The following PSMB7 variants were observed in gnomAD, a reference collection of about 807,000 sequenced individuals.
PSMB7 encodes proteasome 20S subunit beta 7, also known as proteasome subunit beta type-7.
PSMB7 carries 5 observed loss-of-function variants against 28.1 expected under a neutral mutation model. The observed-to-expected ratio is 0.18, with a 90% CI of 0.09 to 0.37. The LOEUF is 0.37. Among genes scored for constraint, PSMB7 ranks in the 10% least tolerant of loss-of-function variants. The probability of loss-of-function intolerance (pLI) is 1.00; values close to 1 mark genes in which losing one functional copy is unlikely to be tolerated. For missense variants in PSMB7, 275 were observed against 346.2 expected (o/e 0.79, Z 1.63); for synonymous variants, 122 against 123.7 (o/e 0.99, Z 0.09).
rs562436652 is a variant in PSMB7, at chr9:124,361,140, G to A, written c.571-4225C>T. Among the ~76,000 whole-genome samples, 19 of 152,240 alleles carry A rather than the reference G, an allele frequency of 1.2e-4. No homozygotes were observed. In the South Asian group the frequency reaches 3.9e-3, roughly 32 times the overall value. On this transcript the variant is annotated intron_variant, in intron 6 of 7. Transcript: ENST00000259457. ...ATAAAAGGAACACTTCTTGCTTTAT[G>A]GCTACAAAGACCAAACTAACTGGGA...
At chr9:124,393,804 T>A (rs10760356) in intron 5 of PSMB7, among the ~76,000 whole-genome samples, 53,070 of 152,162 alleles carry the variant, frequency 0.35, 9,928 homozygotes, top group Non-Finnish European at 0.43. Context: ...CATTAATGCA[T>A]TTTAATGAAA....
chr9:124,397,980 C>T (rs1419100008), intron 5 of PSMB7, among the ~76,000 whole-genome samples: 1 of 152,098 alleles, frequency 6.6e-6, no homozygotes, highest in Non-Finnish European at 1.5e-5. Flanking sequence ...CCAGCCTGGC[C>T]AACACGGTGA....
At chr9:124,370,491 C>T (rs554298167) in intron 6 of PSMB7, among the ~76,000 whole-genome samples, 5 of 113,602 alleles carry the variant, frequency 4.4e-5, no homozygotes, top group African/African-American at 1.0e-4. Flanking sequence ...TCAGATCTTC[C>T]GATATATAAA....
chr9:124,362,053 A>G (rs978550488), intron 6 of PSMB7, among the ~76,000 whole-genome samples: 3 of 152,204 alleles, frequency 2.0e-5, no homozygotes, highest in Admixed American at 2.0e-4. Context: ...GCATCTCAAC[A>G]CTGCTTTACT....
In PSMB7 at chr9:124,384,773, T is replaced by TA. The variant is rs1830702995; in HGVS notation, c.512-118_512-117insT. On this transcript the variant is annotated intron_variant, in intron 5 of 7. Transcript: ENST00000259457. ...TGCCCAGTGTCTCATTCAAGTACAG[T>TA]GTAAATATTAATTCTACAGGGCCAC... is the stretch of plus-strand genomic sequence containing the variant. 4 of 844,342 alleles carry TA rather than the reference T, an allele frequency of 4.7e-6. No homozygotes were observed. The African/African-American group carries it at 6.8e-5, about 14-fold the overall frequency. 52.3% of individuals were successfully genotyped at this position (844,342 alleles called of 1,614,324 possible). A position where few individuals can be genotyped will look rare whatever the true frequency, so the allele number is the denominator to read the frequency against.
intron 5 of PSMB7, among the ~76,000 whole-genome samples, chr9:124,393,616 T>C (rs776300517): frequency 9.9e-5 from 15 of 152,250 alleles, no homozygotes; most frequent in Non-Finnish European, 2.2e-4. Context: ...AAATGTAATA[T>C]AGTCAAAGAG....
intron 6 of PSMB7, among the ~76,000 whole-genome samples, chr9:124,375,142 CA>C (rs1192502294): frequency 2.6e-5 from 4 of 151,912 alleles, no homozygotes; most frequent in Admixed American, 6.6e-5. Context: ...TCACAATAAA[CA>C]AAAATACCAG....
At chr9:124,398,885 T>C (rs533856351) in intron 5 of PSMB7, among the ~76,000 whole-genome samples, 4 of 151,708 alleles carry the variant, frequency 2.6e-5, no homozygotes, top group Middle Eastern at 6.8e-3. Flanking sequence ...GTCAGTAAAA[T>C]AGCAATAATA....
chr9:124,413,760 C>G, intron 3 of PSMB7, 148 bp downstream of exon 3: 1 of 584,438 alleles, frequency 1.7e-6, no homozygotes, highest in East Asian at 2.9e-5. Flanking sequence ...AAGTTACTGG[C>G]TTAGGTAACA....
At chr9:124,398,053 G>GT (rs1477230835) in intron 5 of PSMB7, among the ~76,000 whole-genome samples, 1 of 152,068 alleles carries the variant, frequency 6.6e-6, no homozygotes, top group Non-Finnish European at 1.5e-5. Flanking sequence ...GCACACGCCT[G>GT]TAATCCCAGC....
At chr9:124,361,011 G>C (rs1830461361) in intron 6 of PSMB7, among the ~76,000 whole-genome samples, 1 of 152,180 alleles carries the variant, frequency 6.6e-6, no homozygotes, top group Non-Finnish European at 1.5e-5. Context: ...GCCAGGACAA[G>C]GAGGGCCAAA....
At chr9:124,364,061 G>A (rs950506060) in intron 6 of PSMB7, among the ~76,000 whole-genome samples, 2 of 152,202 alleles carry the variant, frequency 1.3e-5, no homozygotes, top group Admixed American at 6.5e-5. Context: ...CAAACAGGAC[G>A]GTTAGCACGT....
chr9:124,355,996 C>T (rs148216702), intron 7 of PSMB7, among the ~76,000 whole-genome samples: 1 of 152,252 alleles, frequency 6.6e-6, no homozygotes, highest in African/African-American at 2.4e-5. Context: ...TGAGTGGGAG[C>T]CGTAGTTTAT....
chr9:124,390,892 G>C (rs1564682286), intron 5 of PSMB7, among the ~76,000 whole-genome samples: 1 of 152,148 alleles, frequency 6.6e-6, no homozygotes, highest in African/African-American at 2.4e-5. Context: ...GGGCCTAAAG[G>C]TCAATCCATG....
intron 6 of PSMB7, among the ~76,000 whole-genome samples, chr9:124,363,618 G>A (rs1212638052): frequency 6.6e-6 from 1 of 152,194 alleles, no homozygotes; most frequent in African/African-American, 2.4e-5. Context: ...GCTGCAGCTG[G>A]TGCTGGGCAC....
intron 6 of PSMB7, among the ~76,000 whole-genome samples, chr9:124,357,634 C>A (rs1439347949): frequency 1.3e-5 from 2 of 152,220 alleles, no homozygotes; most frequent in Non-Finnish European, 2.9e-5. Context: ...ACACAAATCC[C>A]CATCCCTAAT....
chr9:124,356,655 T>G lies in PSMB7; in HGVS notation c.722+109A>C. On this transcript the variant is annotated intron_variant, in intron 7 of 7. Transcript: ENST00000259457. This position sits in a 1 kb window ranked among gnomAD's most constrained non-coding sequence, Gnocchi z 4.4. ...GGGAGGTTGATTTGGGAACACTGGATGTACTTAATGTGGAAAGAACCAGGA... is the reference window on the plus strand; with the variant it reads ...GGGAGGTTGATTTGGGAACACTGGAGGTACTTAATGTGGAAAGAACCAGGA... 1.6e-6 allele frequency: 2 copies of G among 1,285,854 alleles called. No homozygotes were observed. Among genetic ancestry groups the G allele is most frequent in the East Asian group, 4.7e-5 (2 of 42,378 alleles). 79.7% of individuals were successfully genotyped at this position (1,285,854 alleles called of 1,614,324 possible). A position where few individuals can be genotyped will look rare whatever the true frequency, so the allele number is the denominator to read the frequency against.
At chr9:124,414,736 A>T in intron 2 of PSMB7, 106 bp downstream of exon 2, 1 of 866,350 alleles carries the variant, frequency 1.2e-6, no homozygotes. Context: ...GATGTATTCT[A>T]TAGCATTTGC....
At chr9:124,378,744 T>C (rs1830637142) in intron 6 of PSMB7, among the ~76,000 whole-genome samples, 1 of 152,250 alleles carries the variant, frequency 6.6e-6, no homozygotes, top group Non-Finnish European at 1.5e-5. Flanking sequence ...ATTATCGGAT[T>C]CATTTAATTC....
Sources: gnomAD v4.1 joint callset for allele counts (sites outside exome capture counted in the v4.1 genomes callset) on GRCh38, gnomAD v4.1.1 for gene constraint, Gnocchi (gnomAD v3.1) non-coding constraint, MANE v1.5 for transcripts, NCBI Gene and HGNC (gene_info 2026-07-23, HGNC 2026-07-21) for gene names.